Variants in MSRB3 observed in about 807,000 individuals in gnomAD.
MSRB3 encodes the protein methionine-R-sulfoxide reductase B3.
In MSRB3, 13 loss-of-function variants were observed where a neutral mutation model predicts 21.0. That is an observed-to-expected ratio of 0.62 (90% confidence interval 0.40 to 0.98). The LOEUF is 0.98. Among genes scored for constraint, MSRB3 ranks in the 50% least tolerant of loss-of-function variants. The probability of loss-of-function intolerance (pLI) is 0.00; values close to 1 mark genes in which losing one functional copy is unlikely to be tolerated. For missense variants in MSRB3, 199 were observed against 230.3 expected (o/e 0.86, Z 0.88); for synonymous variants, 87 against 88.6 (o/e 0.98, Z 0.10).
At chr12:65,356,735 T>G (rs1877406450) in intron 4 of MSRB3, among the ~76,000 whole-genome samples, 1 of 151,924 alleles carries the variant, frequency 6.6e-6, no homozygotes, top group African/African-American at 2.4e-5. Context: ...AAAGTATAGA[T>G]TTCCAAATTC....
At chr12:65,380,186 T>C (rs778714724) in intron 5 of MSRB3, among the ~76,000 whole-genome samples, 2 of 152,128 alleles carry the variant, frequency 1.3e-5, no homozygotes, top group African/African-American at 4.8e-5. Flanking sequence ...AAGAGGAAGA[T>C]AATTTTAAAT....
chr12:65,293,548 T>C (rs1872777542), intron 1 of MSRB3, among the ~76,000 whole-genome samples: 1 of 152,222 alleles, frequency 6.6e-6, no homozygotes, highest in African/African-American at 2.4e-5. Flanking sequence ...CTTCTTTCCT[T>C]ATTCTTAATC....
intron 2 of MSRB3, among the ~76,000 whole-genome samples, chr12:65,318,032 C>A (rs901186177): frequency 2.4e-4 from 36 of 152,156 alleles, no homozygotes; most frequent in Admixed American, 1.0e-3. Flanking sequence ...TGAATAATGT[C>A]TTCCCGTGTC....
chr12:65,306,934 G>A (rs1292710710), intron 1 of MSRB3: 56 of 985,730 alleles, frequency 5.7e-5, no homozygotes, highest in East Asian at 1.1e-4. Context: ...GTTGGTAGGC[G>A]CCCAGGCTGC....
At chr12:65,318,125 T>G (rs1022503933) in intron 2 of MSRB3, among the ~76,000 whole-genome samples, 1 of 152,188 alleles carries the variant, frequency 6.6e-6, no homozygotes, top group Non-Finnish European at 1.5e-5. Flanking sequence ...CTCAGATTTT[T>G]CTGGAATATA....
At chr12:65,296,085 G>T (rs1872944824) in intron 1 of MSRB3, among the ~76,000 whole-genome samples, 1 of 152,128 alleles carries the variant, frequency 6.6e-6, no homozygotes, top group Admixed American at 6.5e-5. Context: ...TTTTCTTCAT[G>T]CATACACAAA....
At chr12:65,407,708 C>T (rs1880491331) in intron 5 of MSRB3, among the ~76,000 whole-genome samples, 1 of 152,142 alleles carries the variant, frequency 6.6e-6, no homozygotes, top group Non-Finnish European at 1.5e-5. Flanking sequence ...TTAAAATTAT[C>T]CCACAGTTCT....
intron 4 of MSRB3, among the ~76,000 whole-genome samples, chr12:65,349,975 G>A (rs1030860270): frequency 4.6e-5 from 7 of 152,116 alleles, no homozygotes; most frequent in Non-Finnish European, 7.4e-5. Context: ...TGGACATGAC[G>A]TCCTTGCCCA....
intron 1 of MSRB3, among the ~76,000 whole-genome samples, chr12:65,299,210 A>G (rs1324673848): frequency 6.6e-6 from 1 of 152,218 alleles, no homozygotes; most frequent in Non-Finnish European, 1.5e-5. Flanking sequence ...CCAGTTACAG[A>G]ATATAAGTAT....
intron 5 of MSRB3, among the ~76,000 whole-genome samples, chr12:65,386,378 A>G (rs1208766897): frequency 6.6e-6 from 1 of 151,976 alleles, no homozygotes; most frequent in Non-Finnish European, 1.5e-5. Flanking sequence ...GAGAACTTAC[A>G]TGATTCTGGG....
chr12:65,433,476 G>A (rs1881977098), intron 5 of MSRB3, among the ~76,000 whole-genome samples: 2 of 151,766 alleles, frequency 1.3e-5, no homozygotes, highest in Non-Finnish European at 1.5e-5. Context: ...AATTTCAGTA[G>A]TTCTTCTGGT....
At chr12:65,356,570 C>T (rs531185428) in intron 4 of MSRB3, among the ~76,000 whole-genome samples, 53 of 151,930 alleles carry the variant, frequency 3.5e-4, no homozygotes, top group African/African-American at 1.2e-3. Context: ...ACATATTTTA[C>T]TTCCTCATTA....
intron 5 of MSRB3, among the ~76,000 whole-genome samples, chr12:65,434,014 C>G (rs985029337): frequency 1.3e-5 from 2 of 151,946 alleles, no homozygotes; most frequent in Non-Finnish European, 2.9e-5. Flanking sequence ...GAGGTGCTTA[C>G]TTTTCTAAGT....
At chr12:65,371,497 G>GA (rs1483561755) in intron 5 of MSRB3, among the ~76,000 whole-genome samples, 47 of 148,770 alleles carry the variant, frequency 3.2e-4, no homozygotes, top group East Asian at 2.6e-3. Flanking sequence ...ATCTTACTAG[G>GA]AAAAACAAAA....
intron 4 of MSRB3, among the ~76,000 whole-genome samples, chr12:65,344,435 A>G (rs1227384920): frequency 6.6e-6 from 1 of 151,970 alleles, no homozygotes; most frequent in African/African-American, 2.4e-5. Context: ...CTCAGGAGAC[A>G]ATGGATAATT....
chr12:65,370,660 A>G (rs955157029), intron 5 of MSRB3, among the ~76,000 whole-genome samples: 1 of 152,228 alleles, frequency 6.6e-6, no homozygotes, highest in South Asian at 2.1e-4. Flanking sequence ...GTAAGTATTT[A>G]TCATGAAAAT....
intron 5 of MSRB3, among the ~76,000 whole-genome samples, chr12:65,387,942 T>G (rs769325127): frequency 7.2e-5 from 11 of 152,190 alleles, no homozygotes; most frequent in Admixed American, 2.6e-4. Flanking sequence ...AGAAAATTGT[T>G]CTTCACAACA....
chr12:65,442,155 A>G (rs1882413252), intron 5 of MSRB3, among the ~76,000 whole-genome samples: 1 of 152,050 alleles, frequency 6.6e-6, no homozygotes, highest in Non-Finnish European at 1.5e-5. Flanking sequence ...CTTAAAATAT[A>G]TATAATAGAA....
chr12:65,456,543 A>G (rs969480332), intron 6 of MSRB3, among the ~76,000 whole-genome samples: 1 of 152,240 alleles, frequency 6.6e-6, no homozygotes, highest in Non-Finnish European at 1.5e-5. Context: ...TAAACCAAGC[A>G]TAGCTGTTGG....
Sources: gnomAD v4.1 joint callset for allele counts (sites outside exome capture counted in the v4.1 genomes callset) on GRCh38, gnomAD v4.1.1 for gene constraint, MANE v1.5 for transcripts, NCBI Gene and HGNC (gene_info 2026-07-23, HGNC 2026-07-21) for gene names.